Variants in MASP1 observed in about 807,000 individuals in gnomAD.
MASP1 encodes MBL associated serine protease 1, also known as mannan-binding lectin serine protease 1.
Under a neutral mutation model 77.1 loss-of-function variants are expected in MASP1, and 59 were observed. The observed-to-expected ratio is 0.77, with a 90% CI of 0.62 to 0.95. MASP1 has a LOEUF of 0.95. Ranked by LOEUF, MASP1 falls within the 40% of genes least tolerant of loss-of-function variation. MASP1 has a pLI of 0.00. For missense variants in MASP1, 885 were observed against 912.9 expected (o/e 0.97, Z 0.39); for synonymous variants, 362 against 354.5 (o/e 1.02, Z -0.24).
chr3:187,217,296 G>A (rs1460450454), exon 16 of MASP1: 1 of 152,188 alleles, frequency 6.6e-6, no homozygotes, highest in East Asian at 1.9e-4. Context: ...ACTCAATGCA[G>A]ATGTTTATTA....
chr3:187,251,541 A>AC, intron 7 of MASP1, 93 bp downstream of exon 7: 1 of 989,002 alleles, frequency 1.0e-6, no homozygotes, highest in Non-Finnish European at 1.6e-6. Flanking sequence ...TGGAACTATG[A>AC]CAAGTTCTGG....
At chr3:187,242,022 C>T (rs755367732) in intron 9 of MASP1, 24 of 180,248 alleles carry the variant, frequency 1.3e-4, no homozygotes, top group African/African-American at 3.8e-4. Flanking sequence ...CCCCACCCCA[C>T]GCTGCCCAGG....
At chr3:187,232,165 C>T (rs902659401), downstream of MASP1, among the ~76,000 whole-genome samples, 19 of 152,040 alleles carry the variant, frequency 1.2e-4, no homozygotes, top group African/African-American at 4.6e-4. Context: ...CTACTTCATC[C>T]CTCTTTACAA....
intron 13 of MASP1, among the ~76,000 whole-genome samples, chr3:187,223,422 A>G (rs1712187650): frequency 6.6e-6 from 1 of 152,190 alleles, no homozygotes. Flanking sequence ...TTACTTGTTT[A>G]GTTTTCTATT....
chr3:187,257,532 G>A (rs745925280), intron 4 of MASP1, among the ~76,000 whole-genome samples: 10 of 152,042 alleles, frequency 6.6e-5, no homozygotes, highest in Non-Finnish European at 1.2e-4. Context: ...CGACAGGCAC[G>A]TGCTATAACA....
chr3:187,224,267 C>A (rs6762462), intron 13 of MASP1, among the ~76,000 whole-genome samples: 57,845 of 151,626 alleles, frequency 0.38, 12,226 homozygotes, highest in East Asian at 0.79. Flanking sequence ...TTGAGGCTTA[C>A]TGAGGTTAAA....
Position 187,261,983 on chromosome 3 carries a change from C to T in MASP1, c.415+560G>A, listed in dbSNP as rs569782326. Reference sequence around the variant, plus strand: ...AGAATCCTCACCCCCAAAATGTATTCTGTATGTTTTCATTTAAATGAAGTT... The same window carrying T: ...AGAATCCTCACCCCCAAAATGTATTTTGTATGTTTTCATTTAAATGAAGTT... On this transcript the variant is annotated intron_variant, in intron 3 of 10. Coordinates refer to ENST00000296280, the MANE Select transcript of MASP1 (RefSeq NM_139125.4). Among the ~76,000 whole-genome samples, 13 of 152,242 alleles carry T rather than the reference C, an allele frequency of 8.5e-5. No homozygotes were observed. The East Asian group carries it at 2.5e-3, about 29-fold the overall frequency.
intron 1 of MASP1, among the ~76,000 whole-genome samples, chr3:187,288,308 C>G (rs1300125049): frequency 6.6e-6 from 1 of 152,118 alleles, no homozygotes; most frequent in Non-Finnish European, 1.5e-5. Context: ...GTCAAAAAAC[C>G]AGGTGGCAGG....
At chr3:187,224,490 G>T (rs1369660026) in intron 13 of MASP1, among the ~76,000 whole-genome samples, 3 of 150,954 alleles carry the variant, frequency 2.0e-5, no homozygotes, top group African/African-American at 4.9e-5. Flanking sequence ...GGGACTACAG[G>T]CGCCCGCCAC....
chr3:187,220,872 T>C (rs1359090934), intron 15 of MASP1, among the ~76,000 whole-genome samples: 1 of 152,204 alleles, frequency 6.6e-6, no homozygotes, highest in African/African-American at 2.4e-5. Context: ...TTTTCTCCGA[T>C]GCATCTTCTC....
chr3:187,250,388 T>G lies in MASP1; in HGVS notation c.1012-59A>C, dbSNP rs1475787348. Reference sequence around the variant, plus strand: ...AGGAGGTGGGGGTGGTGTCAGGGGTTTTTTCCTAGCAAAACCAACTCAAGC... The same window carrying G: ...AGGAGGTGGGGGTGGTGTCAGGGGTGTTTTCCTAGCAAAACCAACTCAAGC... On this transcript the variant is annotated intron_variant, in intron 7 of 10. Transcript: ENST00000296280. 3 of 1,309,576 alleles carry G rather than the reference T, an allele frequency of 2.3e-6. No individual in the cohort carries two copies. The African/African-American group carries it at 4.3e-5, about 19-fold the overall frequency. The allele number at this position is 1,309,576 out of a possible 1,614,324, so 81.1% of individuals were successfully genotyped here.
intron 15 of MASP1, chr3:187,220,297 C>A: frequency 6.3e-7 from 1 of 1,592,948 alleles, no homozygotes; most frequent in Non-Finnish European, 8.6e-7. Context: ...AGATAAAATG[C>A]CCCTTCCCAG....
At chr3:187,239,840 C>T (rs546612011) in intron 10 of MASP1, among the ~76,000 whole-genome samples, 2 of 152,316 alleles carry the variant, frequency 1.3e-5, no homozygotes, top group African/African-American at 4.8e-5. Context: ...CTTACCCCTT[C>T]ATTCATAGAC....
intron 2 of MASP1, among the ~76,000 whole-genome samples, chr3:187,283,109 G>A (rs927009492): frequency 2.6e-5 from 4 of 152,074 alleles, no homozygotes; most frequent in Admixed American, 6.5e-5. Context: ...TTCCATGTAA[G>A]GGCCCAGGAC....
intron 2 of MASP1, among the ~76,000 whole-genome samples, chr3:187,272,094 G>A (rs1442003419): frequency 2.0e-5 from 3 of 149,550 alleles, no homozygotes; most frequent in African/African-American, 7.6e-5. Flanking sequence ...GTAGGTGGGT[G>A]TAAGTGGATG....
At chr3:187,243,846 T>G in intron 8 of MASP1, 1 of 591,664 alleles carries the variant, frequency 1.7e-6, no homozygotes. Context: ...GGTACTACTG[T>G]GTGGTCAACT....
intron 7 of MASP1, among the ~76,000 whole-genome samples, chr3:187,251,146 G>C (rs981230611): frequency 1.3e-5 from 2 of 152,152 alleles, no homozygotes; most frequent in African/African-American, 2.4e-5. Context: ...ATTTAGTAGA[G>C]ATAGGGTTTT....
intron 10 of MASP1, among the ~76,000 whole-genome samples, chr3:187,239,972 G>A (rs1253761104): frequency 6.6e-6 from 1 of 151,990 alleles, no homozygotes; most frequent in Non-Finnish European, 1.5e-5. Context: ...CAACTCCATA[G>A]CCTTTCCATT....
intron 5 of MASP1, chr3:187,256,435 C>T (rs542152244): frequency 1.9e-4 from 112 of 583,434 alleles, no homozygotes; most frequent in Non-Finnish European, 3.0e-4. Context: ...AGATTCACGA[C>T]TCTCCTCCTC....
Sources: allele counts gnomAD v4.1 joint callset (sites outside exome capture counted in the v4.1 genomes callset), GRCh38; gene constraint gnomAD v4.1.1; transcripts MANE v1.5; gene names NCBI Gene and HGNC (gene_info 2026-07-23, HGNC 2026-07-21).